NHERF2: variants seen among roughly 807,000 people sequenced by gnomAD.
The protein encoded by NHERF2 is Na(+)/H(+) exchange regulatory cofactor NHE-RF2.
the NHERF2 span, chr16:2,035,596 G>A: frequency 1.3e-4 from 128 of 986,684 alleles, no homozygotes; most frequent in Middle Eastern, 5.2e-4. Flanking sequence ...GGCCACCGCC[G>A]CCGCACCCTG....
chr16:2,037,509 G>A, the NHERF2 span: 3 of 1,594,934 alleles, frequency 1.9e-6, no homozygotes, highest in East Asian at 2.3e-5. Flanking sequence ...GTGTGTCTGT[G>A]AAACCACAAT....
At chr16:2,035,081 G>T in the NHERF2 span, among the ~76,000 whole-genome samples, 10 of 152,124 alleles carry the variant, frequency 6.6e-5, no homozygotes, top group South Asian at 8.3e-4. Flanking sequence ...TGACGGGCTG[G>T]GTGGTGGCCA....
the NHERF2 span, chr16:2,038,346 C>T: frequency 2.1e-6 from 1 of 474,664 alleles, no homozygotes; most frequent in Non-Finnish European, 4.0e-6. Flanking sequence ...TGTGTTTTTG[C>T]TTTTTTTCCA....
chr16:2,037,745 G>C, the NHERF2 span: 1 of 1,550,142 alleles, frequency 6.5e-7, no homozygotes, highest in Non-Finnish European at 8.7e-7. Flanking sequence ...GCCTCTGTTG[G>C]TTGCTCCCTA....
At chr16:2,036,541 C>T in the NHERF2 span, 78 of 1,549,750 alleles carry the variant, frequency 5.0e-5, no homozygotes, top group South Asian at 4.1e-4. Flanking sequence ...CCGAGTGCCC[C>T]GCACCTGTCC....
At chr16:2,037,069 C>T in the NHERF2 span, 1 of 1,508,990 alleles carries the variant, frequency 6.6e-7, no homozygotes, top group Non-Finnish European at 9.0e-7. Context: ...AGGCCCCCTT[C>T]TCCCTGGAGA....
chr16:2,035,693 G>A, the NHERF2 span: 1 of 985,538 alleles, frequency 1.0e-6, no homozygotes, highest in Non-Finnish European at 1.2e-6. Context: ...GGATGCCAGA[G>A]GTAACATGGG....
chr16:2,028,270 A>T, the NHERF2 span, among the ~76,000 whole-genome samples: 4 of 152,188 alleles, frequency 2.6e-5, no homozygotes, highest in Non-Finnish European at 4.4e-5. Context: ...GGCCGGCCCC[A>T]TGCCTTCCAC....
the NHERF2 span, chr16:2,037,933 C>T: frequency 1.6e-5 from 26 of 1,613,140 alleles, no homozygotes; most frequent in East Asian, 1.6e-4. Context: ...TCAACAAGCG[C>T]GCGCCACAGA....
the NHERF2 span, chr16:2,037,520 C>G: frequency 6.2e-7 from 1 of 1,605,146 alleles, no homozygotes; most frequent in Non-Finnish European, 8.5e-7. Context: ...AAACCACAAT[C>G]TGCCCTTGGT....
At chr16:2,031,591 T>C in the NHERF2 span, among the ~76,000 whole-genome samples, 1 of 152,094 alleles carries the variant, frequency 6.6e-6, no homozygotes, top group Non-Finnish European at 1.5e-5. Flanking sequence ...AGGGGCTTCC[T>C]CTGGGTGTAT....
the NHERF2 span, chr16:2,036,775 C>G: frequency 6.2e-7 from 1 of 1,613,440 alleles, no homozygotes; most frequent in South Asian, 1.1e-5. Context: ...AGGTGGTGGC[C>G]AGCATCAAGG....
the NHERF2 span, chr16:2,036,665 G>C: frequency 2.7e-5 from 43 of 1,587,354 alleles, no homozygotes; most frequent in Middle Eastern, 1.7e-4. Flanking sequence ...TGCCACACCT[G>C]GCCACGCGGC....
the NHERF2 span, chr16:2,038,380 G>T: frequency 2.3e-6 from 1 of 434,554 alleles, no homozygotes; most frequent in Admixed American, 2.8e-5. Context: ...CTCCACACAT[G>T]TTTCCACTTA....
the NHERF2 span, among the ~76,000 whole-genome samples, chr16:2,031,794 C>T: frequency 0.012 from 1,903 of 152,250 alleles, 25 homozygotes; most frequent in Non-Finnish European, 0.022. Context: ...TGGGTTCAAG[C>T]GATTCTCTTG....
At chr16:2,029,502 C>CCG in the NHERF2 span, 1 of 1,363,922 alleles carries the variant, frequency 7.3e-7, no homozygotes, top group African/African-American at 1.4e-5. Flanking sequence ...CACGCCTGGG[C>CCG]CAGCCCAGAG....
the NHERF2 span, chr16:2,037,495 TTGTG>T: frequency 6.2e-5 from 96 of 1,538,068 alleles, no homozygotes; most frequent in Admixed American, 1.3e-4. Flanking sequence ...TGTGCAGGTG[TTGTG>T]TGTGTCTGTG....
chr16:2,037,461 T>C, the NHERF2 span: 6 of 1,261,274 alleles, frequency 4.8e-6, no homozygotes, highest in Non-Finnish European at 6.8e-6. Context: ...TGGGGGGGGG[T>C]GTGCCTCTGT....
chr16:2,033,251 C>A, the NHERF2 span: 50 of 1,522,152 alleles, frequency 3.3e-5, no homozygotes, highest in Non-Finnish European at 3.9e-5. Context: ...GAGCCAGGGC[C>A]GCAGAGGGAG....
Sources: gnomAD v4.1 joint callset for allele counts (sites outside exome capture counted in the v4.1 genomes callset) on GRCh38, gnomAD v4.1.1 for gene constraint, MANE v1.5 for transcripts, NCBI Gene and HGNC (gene_info 2026-07-23, HGNC 2026-07-21) for gene names.